Variants in CNOT1 observed in about 807,000 individuals in gnomAD.
CNOT1 encodes the protein CCR4-associated factor 1.
In CNOT1, 15 loss-of-function variants were observed where a neutral mutation model predicts 273.8. The observed-to-expected ratio is 0.05, with a 90% CI of 0.04 to 0.08. The LOEUF is 0.08. Ranked by LOEUF, CNOT1 falls within the 10% of genes least tolerant of loss-of-function variation. CNOT1 has a pLI of 1.00. For missense variants in CNOT1, 1,644 were observed against 2,912.2 expected (o/e 0.56, Z 10.02); for synonymous variants, 1,022 against 1,005.5 (o/e 1.02, Z -0.31).
intron 1 of CNOT1, among the ~76,000 whole-genome samples, chr16:58,609,474 G>A (rs1221918380): frequency 6.6e-6 from 1 of 152,052 alleles, no homozygotes; most frequent in African/African-American, 2.4e-5. Flanking sequence ...AAATTTTGGA[G>A]GGGTGGGAGA....
At chr16:58,611,719 G>A (rs1039501822) in intron 1 of CNOT1, among the ~76,000 whole-genome samples, 4 of 151,634 alleles carry the variant, frequency 2.6e-5, no homozygotes, top group Non-Finnish European at 4.4e-5. Context: ...TACTCAGGAG[G>A]CTGAGGCAGG....
chr16:58,606,550 C>G (rs1041249328), intron 1 of CNOT1, among the ~76,000 whole-genome samples: 2 of 152,192 alleles, frequency 1.3e-5, no homozygotes, highest in Admixed American at 1.3e-4. Context: ...CGCCTGTAAT[C>G]CCAGCACTTT....
chr16:58,574,027 G>A (rs994137202), intron 16 of CNOT1, among the ~76,000 whole-genome samples: 2 of 152,084 alleles, frequency 1.3e-5, no homozygotes, highest in African/African-American at 2.4e-5. Flanking sequence ...GTGGCAGGAG[G>A]ATCACTTGAG....
intron 47 of CNOT1, chr16:58,523,164 G>T: frequency 5.5e-6 from 2 of 363,512 alleles, no homozygotes; most frequent in East Asian, 4.4e-5. Context: ...AGAATCGCTT[G>T]AACCTGGGAG....
chr16:58,565,233 C>A (rs1776731457), intron 16 of CNOT1, among the ~76,000 whole-genome samples: 1 of 152,138 alleles, frequency 6.6e-6, no homozygotes, highest in Admixed American at 6.5e-5. Context: ...CAACCTCAGC[C>A]TCCCCAGCTG....
intron 16 of CNOT1, among the ~76,000 whole-genome samples, chr16:58,565,939 CAA>C (rs35857214): frequency 4.1e-5 from 6 of 144,756 alleles, no homozygotes; most frequent in Admixed American, 7.0e-5. Context: ...GACCCTGCCT[CAA>C]AAAAAAAAAA....
chr16:58,586,676 T>C lies in CNOT1; in HGVS notation c.506A>G (p.Gln169Arg). The change falls in exon 7 of 49, where the codon CAA (glutamine) becomes CGA (arginine). Residue 169 changes from glutamine (Q) to arginine (R), a missense_variant. Gln to Arg is a conservative substitution (Grantham distance 43). This residue lies in a region of CNOT1 where 706 missense variants were observed against 1,021.2 expected (regional missense o/e 0.69). Transcript: ENST00000317147. Reference sequence around the variant, plus strand: ...TGCTATATCTTGGAAGCCACCTTCTTGATTTCCACTGACGTCTGCGTCAAT... The same window carrying C: ...TGCTATATCTTGGAAGCCACCTTCTCGATTTCCACTGACGTCTGCGTCAAT... ...SYIDADVSGN[Q>R]EGGFQDIAIE... 1 of 1,613,354 alleles carries C rather than the reference T, an allele frequency of 6.2e-7. No individual in the cohort carries two copies. The highest frequency in any genetic ancestry group is 8.5e-7 in the Non-Finnish European group (1 of 1,179,926).
intron 1 of CNOT1, among the ~76,000 whole-genome samples, chr16:58,603,850 C>A (rs1363813101): frequency 6.6e-6 from 1 of 152,132 alleles, no homozygotes; most frequent in African/African-American, 2.4e-5. Context: ...ATGCATTTTT[C>A]CACATCATAT....
intron 18 of CNOT1, 80 bp from the exon 19 acceptor site, chr16:58,557,073 GAC>G: frequency 6.7e-7 from 1 of 1,491,484 alleles, no homozygotes; most frequent in Non-Finnish European, 8.9e-7. Context: ...ATATTAATAA[GAC>G]AGACTTTTAA....
chr16:58,588,233 A>G (rs559195391), intron 3 of CNOT1, among the ~76,000 whole-genome samples: 4 of 152,264 alleles, frequency 2.6e-5, no homozygotes, highest in African/African-American at 7.2e-5. Flanking sequence ...CAGGAGGCAG[A>G]GGTTACAGTG....
At chr16:58,613,550 C>T (rs2042972638) in intron 1 of CNOT1, among the ~76,000 whole-genome samples, 1 of 123,318 alleles carries the variant, frequency 8.1e-6, no homozygotes, top group South Asian at 2.4e-4. Context: ...TCTTTAAAAA[C>T]TATCAACTGA....
chr16:58,557,921 C>T (rs1007808473), intron 18 of CNOT1, among the ~76,000 whole-genome samples: 3 of 152,000 alleles, frequency 2.0e-5, no homozygotes, highest in Non-Finnish European at 4.4e-5. Context: ...ACCTGGGAGG[C>T]GGAGGTTGCA....
chr16:58,610,576 G>A (rs2042859806), intron 1 of CNOT1, among the ~76,000 whole-genome samples: 1 of 152,166 alleles, frequency 6.6e-6, no homozygotes, highest in African/African-American at 2.4e-5. Flanking sequence ...GGGCGCGGTG[G>A]CTCACACCTG....
intron 2 of CNOT1, among the ~76,000 whole-genome samples, chr16:58,592,420 TTATATAA>T (rs796315690): frequency 2.2e-4 from 33 of 152,232 alleles, no homozygotes; most frequent in African/African-American, 7.7e-4. Flanking sequence ...TAGAAAGTTA[TTATATAA>T]ACAAGCTGGG....
chr16:58,597,609 T>G lies in CNOT1; in HGVS notation c.102+1627A>C, dbSNP rs115475302. 2,684 of 391,410 alleles carry G rather than the reference T, an allele frequency of 6.9e-3. 57 individuals are homozygous for G. The highest frequency in any genetic ancestry group is 0.053 in the African/African-American group (2,501 of 47,328). 24.2% of individuals were successfully genotyped at this position (391,410 alleles called of 1,614,324 possible). On this transcript the variant is annotated intron_variant, in intron 2 of 48. Coordinates refer to ENST00000317147, the MANE Select transcript of CNOT1 (RefSeq NM_016284.5). ...TATCTTCAGGTTTGTGTTTGGCACT[T>G]TGATCTGTAAGCAATCAACATGGAG...
At chr16:58,538,720 C>A in intron 36 of CNOT1, 52 bp downstream of exon 36, 1 of 1,603,020 alleles carries the variant, frequency 6.2e-7, no homozygotes, top group South Asian at 1.1e-5. Context: ...CTATCTATGT[C>A]AAAAGGCAGT....
intron 35 of CNOT1, among the ~76,000 whole-genome samples, chr16:58,539,480 C>CACAGACACACACACACACAG (rs1555494955): frequency 6.7e-6 from 1 of 148,584 alleles, no homozygotes; most frequent in African/African-American, 2.5e-5. Flanking sequence ...CACACACACA[C>CACAGACACACACACACACAG]ACACACACAC....
intron 44 of CNOT1, 44 bp from the exon 45 acceptor site, chr16:58,526,182 A>T (rs761650401): frequency 1.2e-6 from 2 of 1,606,702 alleles, no homozygotes; most frequent in South Asian, 2.2e-5. Flanking sequence ...AATCATTTTT[A>T]TTAGTAAATT....
At chr16:58,621,826 G>A (rs1482199985) in intron 1 of CNOT1, among the ~76,000 whole-genome samples, 2 of 148,496 alleles carry the variant, frequency 1.3e-5, no homozygotes, top group Non-Finnish European at 3.0e-5. Context: ...CAGGAGAATG[G>A]CATGAACCCG....
Sources: gnomAD v4.1 joint callset for allele counts (sites outside exome capture counted in the v4.1 genomes callset) on GRCh38, gnomAD v4.1.1 for gene constraint, gnomAD v4.1.1 regional missense constraint, MANE v1.5 for transcripts, NCBI Gene and HGNC (gene_info 2026-07-23, HGNC 2026-07-21) for gene names.